DLG2: variants seen among roughly 807,000 people sequenced by gnomAD.
The protein encoded by DLG2 is discs large MAGUK scaffold protein 2, also known as disks large homolog 2.
A neutral mutation model predicts 132.5 loss-of-function variants in DLG2; 45 were observed. The ratio of observed to expected loss-of-function variants is 0.34; its 90% CI spans 0.27 to 0.44. DLG2 has a LOEUF of 0.44. Among genes scored for constraint, DLG2 ranks in the 20% least tolerant of loss-of-function variants. DLG2 has a pLI of 1.00. For missense variants in DLG2, 1,045 were observed against 1,196.9 expected (o/e 0.87, Z 1.87); for synonymous variants, 424 against 419.6 (o/e 1.01, Z -0.13).
intron 3 of DLG2, among the ~76,000 whole-genome samples, chr11:85,403,467 T>C (rs541905182): frequency 1.3e-5 from 2 of 151,684 alleles, no homozygotes; most frequent in African/African-American, 2.4e-5. Context: ...TGTGCACATA[T>C]ACCGTAGAAC....
intron 6 of DLG2, among the ~76,000 whole-genome samples, chr11:84,950,527 T>A (rs1019406934): frequency 2.6e-5 from 4 of 152,216 alleles, no homozygotes; most frequent in African/African-American, 9.6e-5. Flanking sequence ...ACTTTAAATA[T>A]ATATAAATCT....
chr11:84,217,245 T>A (rs1352013849), intron 8 of DLG2, among the ~76,000 whole-genome samples: 1 of 152,196 alleles, frequency 6.6e-6, no homozygotes, highest in African/African-American at 2.4e-5. Flanking sequence ...CCCACCCAAA[T>A]CTCATCTTGA....
chr11:85,452,065 T>C (rs1020934114), intron 3 of DLG2, among the ~76,000 whole-genome samples: 4 of 151,978 alleles, frequency 2.6e-5, no homozygotes, highest in African/African-American at 7.2e-5. Flanking sequence ...CTTTACTCTT[T>C]AAAGAAAAAA....
At chr11:84,733,692 A>T (rs1425102833) in intron 6 of DLG2, among the ~76,000 whole-genome samples, 4 of 152,170 alleles carry the variant, frequency 2.6e-5, no homozygotes, top group South Asian at 4.1e-4. Flanking sequence ...TTTTGGTGTT[A>T]TAGACATGAA....
chr11:84,218,789 G>A (rs987510503), intron 8 of DLG2, among the ~76,000 whole-genome samples: 1 of 152,144 alleles, frequency 6.6e-6, no homozygotes, highest in Non-Finnish European at 1.5e-5. Flanking sequence ...TGAGGAGTTG[G>A]CATTACTGAC....
chr11:85,489,060 A>C (rs1018798833), intron 3 of DLG2, among the ~76,000 whole-genome samples: 3 of 152,212 alleles, frequency 2.0e-5, no homozygotes, highest in African/African-American at 7.2e-5. Flanking sequence ...CATGACAAAG[A>C]AAAGCTCATA....
At chr11:85,564,236 T>C (rs2077410434) in intron 3 of DLG2, among the ~76,000 whole-genome samples, 2 of 152,088 alleles carry the variant, frequency 1.3e-5, no homozygotes, top group Non-Finnish European at 2.9e-5. Flanking sequence ...GATGGTGTCT[T>C]TTAAAAGGCA....
Position 85,024,576 on chromosome 11 carries a change from T to C in DLG2, c.357+87085A>G, listed in dbSNP as rs558127818. Among the ~76,000 whole-genome samples the C allele has an allele frequency of 4.6e-5, 7 of 152,316 alleles. No individual in the cohort carries two copies. The East Asian group carries it at 5.8e-4, about 13-fold the overall frequency. The stretch of plus-strand genomic sequence containing the variant: ...AACGAATAATTGTCTCGACTCTTCA[T>C]TGCATGTTGTCTATATAGCCACCAT... On this transcript the variant is annotated intron_variant, in intron 6 of 27. Transcript: ENST00000376104.
chr11:84,896,862 T>C (rs1057262364), intron 6 of DLG2, among the ~76,000 whole-genome samples: 2 of 151,808 alleles, frequency 1.3e-5, no homozygotes, highest in Non-Finnish European at 2.9e-5. Flanking sequence ...AGTATGTATG[T>C]ATGCATAGCT....
chr11:84,683,044 A>G (rs2099734905), intron 6 of DLG2, among the ~76,000 whole-genome samples: 1 of 152,200 alleles, frequency 6.6e-6, no homozygotes, highest in Non-Finnish European at 1.5e-5. Context: ...GTCTCTGAGT[A>G]TATTTGAGCA....
At chr11:84,081,542 T>A (rs1438326153) in intron 10 of DLG2, among the ~76,000 whole-genome samples, 1 of 152,234 alleles carries the variant, frequency 6.6e-6, no homozygotes, top group Non-Finnish European at 1.5e-5. Context: ...GTTCTCATTG[T>A]TAAATTCCCT....
At chr11:85,154,312 C>G (rs917865192) in intron 5 of DLG2, among the ~76,000 whole-genome samples, 1 of 152,088 alleles carries the variant, frequency 6.6e-6, no homozygotes, top group African/African-American at 2.4e-5. Context: ...TGTGTGATAA[C>G]CAGCACTTGA....
intron 6 of DLG2, among the ~76,000 whole-genome samples, chr11:84,925,968 T>C (rs1456702733): frequency 6.6e-6 from 1 of 152,140 alleles, no homozygotes; most frequent in Admixed American, 6.5e-5. Context: ...ATTGTGACTA[T>C]ATGAAAATAT....
rs2091101886 is a variant in DLG2, at chr11:83,466,694, T to A, written c.2729+14A>T. Reference sequence around the variant, plus strand: ...GAGTCAGTTGGATGAAGGCCTCCAATGCCCTCTACTCACATAAGAGGTTCC... The same window carrying A: ...GAGTCAGTTGGATGAAGGCCTCCAAAGCCCTCTACTCACATAAGAGGTTCC... On this transcript the variant is annotated intron_variant, in intron 26 of 27. Transcript: ENST00000376104. The A allele has an allele frequency of 1.3e-6, 2 of 1,491,358 alleles. No individual in the cohort carries two copies. The highest frequency in any genetic ancestry group is 1.9e-6 in the Non-Finnish European group (2 of 1,068,148). The allele number at this position is 1,491,358 out of a possible 1,614,324, so 92.4% of individuals were successfully genotyped here.
chr11:84,386,032 C>A (rs541210441), intron 7 of DLG2, among the ~76,000 whole-genome samples: 107 of 152,096 alleles, frequency 7.0e-4, no homozygotes, highest in African/African-American at 2.6e-3. Flanking sequence ...CAGAATAGCA[C>A]GTTTCTTTAA....
At chr11:84,193,117 T>C (rs1377748) in intron 8 of DLG2, among the ~76,000 whole-genome samples, 109,922 of 152,086 alleles carry the variant, frequency 0.72, 41,783 homozygotes, top group Middle Eastern at 0.87. Context: ...TCTTGGACAG[T>C]GGTACTGGGA....
chr11:85,520,041 ATT>A (rs112483358), intron 3 of DLG2, among the ~76,000 whole-genome samples: 1 of 147,262 alleles, frequency 6.8e-6, no homozygotes, highest in Non-Finnish European at 1.5e-5. Flanking sequence ...CACCTGGCTA[ATT>A]TTTTTTTTTT....
chr11:83,979,453 C>T (rs937967624), intron 12 of DLG2, among the ~76,000 whole-genome samples: 1 of 152,116 alleles, frequency 6.6e-6, no homozygotes, highest in Non-Finnish European at 1.5e-5. Context: ...TTACAATATT[C>T]GATTATTATC....
intron 7 of DLG2, among the ~76,000 whole-genome samples, chr11:84,352,529 T>G (rs1246386935): frequency 2.6e-5 from 4 of 152,214 alleles, no homozygotes; most frequent in Non-Finnish European, 5.9e-5. Context: ...TTTTGTTTCC[T>G]GTATGTTTCC....
Sources: allele counts gnomAD v4.1 joint callset (sites outside exome capture counted in the v4.1 genomes callset), GRCh38; gene constraint gnomAD v4.1.1; transcripts MANE v1.5; gene names NCBI Gene and HGNC (gene_info 2026-07-23, HGNC 2026-07-21).